ARSF: variants seen among roughly 807,000 people sequenced by gnomAD.
ARSF encodes arylsulfatase F.
ARSF carries 33 observed loss-of-function variants against 35.4 expected under a neutral mutation model. The observed-to-expected ratio is 0.93, with a 90% confidence interval of 0.71 to 1.25. The LOEUF is 1.25. Among genes scored for constraint, ARSF ranks in the 50% most tolerant of loss-of-function variants. The pLI is 0.00. For missense variants in ARSF, 501 were observed against 480.2 expected (o/e 1.04, Z -0.40); for synonymous variants, 222 against 193.1 (o/e 1.15, Z -1.24).
At chrX:3,109,559 A>C (rs2090430751) in intron 9 of ARSF, among the ~76,000 whole-genome samples, 1 of 110,594 alleles carries the variant, frequency 9.0e-6, no homozygotes, top group Non-Finnish European at 1.9e-5. Flanking sequence ...ATAGCGCCCA[A>C]CGGGTAGTTT....
intron 1 of ARSF, among the ~76,000 whole-genome samples, chrX:3,056,707 T>A (rs992547509): frequency 1.8e-5 from 2 of 112,050 alleles, no homozygotes; most frequent in African/African-American, 6.5e-5. Context: ...GAGGCAGTGC[T>A]GACTTTATCT....
chrX:3,102,135 T>A (rs5939444), intron 8 of ARSF, among the ~76,000 whole-genome samples: 15,954 of 108,639 alleles, frequency 0.15, 951 homozygotes, highest in Middle Eastern at 0.2. Flanking sequence ...CATTCTATTT[T>A]AAAAAAAAAA....
intron 7 of ARSF, among the ~76,000 whole-genome samples, chrX:3,094,204 A>T (rs970493918): frequency 8.9e-6 from 1 of 111,956 alleles, no homozygotes; most frequent in Non-Finnish European, 1.9e-5. Context: ...AGAAGGAGGC[A>T]AAAGTATGTG....
intron 9 of ARSF, among the ~76,000 whole-genome samples, chrX:3,107,460 G>A (rs189575597): frequency 7.2e-5 from 8 of 111,605 alleles, no homozygotes; most frequent in Admixed American, 2.9e-4. Context: ...AAGACAAGCC[G>A]TGGAGTAGAA....
At chrX:3,081,666 A>G (rs2090202885) in intron 5 of ARSF, among the ~76,000 whole-genome samples, 1 of 111,246 alleles carries the variant, frequency 9.0e-6, no homozygotes, top group Admixed American at 9.6e-5. Flanking sequence ...GTGATAGGAG[A>G]TGTTTTAAAA....
At chrX:3,065,636 C>CAA (rs760800747) in intron 1 of ARSF, among the ~76,000 whole-genome samples, 3,369 of 67,967 alleles carry the variant, frequency 0.05, 136 homozygotes, top group African/African-American at 0.14. Context: ...GACTCTGTCT[C>CAA]AAAAAAAAAA....
At chrX:3,095,146 T>C (rs1747202588) in intron 7 of ARSF, among the ~76,000 whole-genome samples, 1 of 108,197 alleles carries the variant, frequency 9.2e-6, no homozygotes, top group South Asian at 3.9e-4. Flanking sequence ...AAATCCTGTC[T>C]CAGAAATAAT....
At chrX:3,106,604 C>T (rs1474974699) in intron 9 of ARSF, among the ~76,000 whole-genome samples, 2 of 111,973 alleles carry the variant, frequency 1.8e-5, no homozygotes, top group Non-Finnish European at 3.8e-5. Context: ...GCTGCTAATA[C>T]TGTAAAAGCC....
intron 4 of ARSF, among the ~76,000 whole-genome samples, chrX:3,079,232 A>G (rs2090176787): frequency 9.0e-6 from 1 of 111,703 alleles, no homozygotes; most frequent in Non-Finnish European, 1.9e-5. Flanking sequence ...CTATGAACAT[A>G]CATGTACAAG....
At chrX:3,100,580 A>T (rs2090368647) in intron 7 of ARSF, among the ~76,000 whole-genome samples, 1 of 102,739 alleles carries the variant, frequency 9.7e-6, no homozygotes, top group South Asian at 4.0e-4. Flanking sequence ...AAAATTTTGG[A>T]CTCTCAGTTT....
At chrX:3,041,312 T>C (rs1406570992), upstream of ARSF, among the ~76,000 whole-genome samples, 2 of 105,165 alleles carry the variant, frequency 1.9e-5, no homozygotes, top group Non-Finnish European at 3.9e-5. Flanking sequence ...TTTTTTTTTT[T>C]TTGAGACAGA....
chrX:3,078,699 C>T (rs762356629), intron 4 of ARSF, among the ~76,000 whole-genome samples: 89 of 110,837 alleles, frequency 8.0e-4, no homozygotes, highest in African/African-American at 2.9e-3. Flanking sequence ...GGGGTCTCAC[C>T]ATGTTAACCA....
chrX:3,086,191 C>T (rs186410616), intron 6 of ARSF, among the ~76,000 whole-genome samples: 136 of 111,726 alleles, frequency 1.2e-3, no homozygotes, highest in African/African-American at 4.1e-3. Context: ...TTAGCACCAA[C>T]CACTCTGAAA....
rs755761118 is a variant in ARSF at position 3,110,224 on chromosome X, C to T, written c.1362C>T (p.His454=). 11 of 1,192,735 alleles carry T rather than the reference C, an allele frequency of 9.2e-6. No individual in the cohort carries two copies. The highest frequency in any genetic ancestry group is 3.7e-5 in the South Asian group (2 of 53,336). Residue 454 remains histidine, a synonymous_variant, in exon 10 of 11, where the codon CAC becomes CAT. Coordinates refer to ENST00000381127, the MANE Select transcript of ARSF (RefSeq NM_001201539.2). The stretch of plus-strand genomic sequence containing the variant: ...TCCACTACTGTGGCTCCTACCTGCA[C>T]GCCGTGCGGTGGATCCCCAAGGACG... ...FLFHYCGSYL[H]AVRWIPKDDS...
intron 7 of ARSF, among the ~76,000 whole-genome samples, chrX:3,100,268 C>G (rs868376260): frequency 8.9e-6 from 1 of 112,286 alleles, no homozygotes; most frequent in African/African-American, 3.2e-5. Context: ...GTGAACCCAA[C>G]AGTGGGAGTG....
intron 5 of ARSF, among the ~76,000 whole-genome samples, chrX:3,082,595 C>T (rs1466256314): frequency 9.0e-6 from 1 of 111,072 alleles, no homozygotes; most frequent in Non-Finnish European, 1.9e-5. Context: ...TCTATCCATT[C>T]ACCCATCCAC....
At chrX:3,041,704 A>G (rs978745902) in intron 1 of ARSF, 41 bp downstream of exon 1, 5 of 112,138 alleles carry the variant, frequency 4.5e-5, no homozygotes, top group African/African-American at 1.6e-4. Context: ...TTCTGAAGTA[A>G]AAGCTATAGG....
intron 1 of ARSF, 80 bp downstream of exon 1, chrX:3,041,743 A>G (rs763454532): frequency 3.6e-5 from 4 of 112,380 alleles, no homozygotes; most frequent in Non-Finnish European, 7.5e-5. Flanking sequence ...ATGCGTATTT[A>G]GATGTGTTTA....
intron 7 of ARSF, among the ~76,000 whole-genome samples, chrX:3,092,172 GATAGATACATAC>G (rs1377646733): frequency 0.028 from 693 of 25,177 alleles, 3 homozygotes; most frequent in African/African-American, 0.074. Flanking sequence ...ATAGATGATA[GATAGATACATAC>G]ATACATACAT....
Sources: gnomAD v4.1 joint callset for allele counts (sites outside exome capture counted in the v4.1 genomes callset) on GRCh38, gnomAD v4.1.1 for gene constraint, MANE v1.5 for transcripts, NCBI Gene and HGNC (gene_info 2026-07-23, HGNC 2026-07-21) for gene names.